Variants in UBE2G1 observed in about 807,000 individuals in gnomAD.
The protein encoded by UBE2G1 is ubiquitin conjugating enzyme E2 G1, also known as ubiquitin-conjugating enzyme E2 G1.
A neutral mutation model predicts 22.7 loss-of-function variants in UBE2G1; 5 were observed. The observed-to-expected ratio is 0.22, with a 90% CI of 0.12 to 0.46. The LOEUF is 0.46. Ranked by LOEUF, UBE2G1 falls within the 20% of genes least tolerant of loss-of-function variation. The pLI, the probability that UBE2G1 is intolerant of heterozygous loss-of-function variation, is 0.99. For synonymous variants in UBE2G1, 74 were observed against 67.5 expected (o/e 1.10, Z -0.47); for missense variants, 88 against 203.9 (o/e 0.43, Z 3.46).
intron 3 of UBE2G1, among the ~76,000 whole-genome samples, chr17:4,294,929 C>CGT (rs1384669212): frequency 6.9e-6 from 1 of 144,222 alleles, no homozygotes; most frequent in East Asian, 2.0e-4. Flanking sequence ...ATGGGAGAAA[C>CGT]GTACGTGAGG....
Position 4,366,382 on chromosome 17 carries a change from G to T in UBE2G1, c.-66C>A. 7.1e-7 allele frequency: 1 copy of T among 1,405,946 alleles called. No homozygotes were observed. The highest frequency in any genetic ancestry group is 9.2e-7 in the Non-Finnish European group (1 of 1,081,782). 87.1% of individuals were successfully genotyped at this position (1,405,946 alleles called of 1,614,324 possible). A position where few individuals can be genotyped will look rare whatever the true frequency, so the allele number is the denominator to read the frequency against. On this transcript the variant is annotated 5_prime_UTR_variant, in exon 1 of 6. Transcript: ENST00000396981. The stretch of plus-strand genomic sequence containing the variant: ...AGGGCTGGGGACAGGCTCTGGGGGC[G>T]GCTGGAGCGGGGTGTGCCGAGGAAC...
At chr17:4,280,622 C>T (rs1968876744) in intron 5 of UBE2G1, among the ~76,000 whole-genome samples, 3 of 151,082 alleles carry the variant, frequency 2.0e-5, no homozygotes, top group African/African-American at 7.3e-5. Flanking sequence ...AGGCATGAGC[C>T]ACCATGCCCG....
chr17:4,306,685 T>G (rs1422514246), intron 2 of UBE2G1, among the ~76,000 whole-genome samples: 1 of 151,968 alleles, frequency 6.6e-6, no homozygotes, highest in African/African-American at 2.4e-5. Flanking sequence ...GGAGTCTCAC[T>G]CTGTCACCCA....
intron 1 of UBE2G1, among the ~76,000 whole-genome samples, chr17:4,319,821 T>C (rs1049415662): frequency 5.9e-5 from 9 of 151,632 alleles, no homozygotes; most frequent in Middle Eastern, 3.4e-3. Context: ...ACTTAAGAAA[T>C]GGTACTTTTT....
intron 3 of UBE2G1, among the ~76,000 whole-genome samples, chr17:4,295,178 A>G (rs1356212299): frequency 2.0e-5 from 3 of 152,246 alleles, no homozygotes; most frequent in Non-Finnish European, 4.4e-5. Context: ...GAAACTGTCG[A>G]AAGCCTAGGA....
intron 4 of UBE2G1, among the ~76,000 whole-genome samples, chr17:4,285,097 GC>G (rs1341090281): frequency 1.3e-5 from 2 of 152,012 alleles, no homozygotes; most frequent in African/African-American, 4.8e-5. Flanking sequence ...ACCTGCCTCG[GC>G]CTCCCAAAGT....
At chr17:4,355,792 G>A (rs1285696768) in intron 1 of UBE2G1, among the ~76,000 whole-genome samples, 1 of 141,158 alleles carries the variant, frequency 7.1e-6, no homozygotes, top group Non-Finnish European at 1.5e-5. Context: ...CCTCCACCTC[G>A]CGGGTTCAAG....
chr17:4,271,743 A>C lies in UBE2G1; in HGVS notation c.*811T>G, dbSNP rs1254362575. 6.7e-6 allele frequency: 1 copy of C among 149,198 alleles called. No individual in the cohort carries two copies. Among genetic ancestry groups the C allele is most frequent in the African/African-American group, 2.5e-5 (1 of 40,196 alleles). The allele number at this position is 149,198 out of a possible 1,614,324, so 9.2% of individuals were successfully genotyped here. ...GCTATTGTTTGGGGAAATTTTCAGT[A>C]AGTTGAATTAAGAACCATCTATTTT... is the stretch of plus-strand genomic sequence containing the variant. On this transcript the variant is annotated 3_prime_UTR_variant, in exon 6 of 6. Coordinates refer to ENST00000396981, the MANE Select transcript of UBE2G1 (RefSeq NM_003342.5).
chr17:4,328,027 C>CG (rs1441653234), intron 1 of UBE2G1, among the ~76,000 whole-genome samples: 6 of 152,120 alleles, frequency 3.9e-5, no homozygotes, highest in African/African-American at 1.4e-4. Context: ...GGCCCATGTG[C>CG]AGTGCAAGTA....
intron 1 of UBE2G1, among the ~76,000 whole-genome samples, chr17:4,355,795 G>A (rs1339804630): frequency 6.9e-6 from 1 of 144,578 alleles, no homozygotes; most frequent in East Asian, 2.2e-4. Flanking sequence ...CCACCTCGCG[G>A]GTTCAAGCGA....
In UBE2G1 at chr17:4,302,162, G is replaced by A. The variant is rs931861046; in HGVS notation, c.149+4859C>T. On this transcript the variant is annotated intron_variant, in intron 2 of 5. Transcript: ENST00000396981. ...CCATGTTCCCTTTTATTGGACTTGG[G>A]AAAGTTTTCTTTACAGACAAATTTG... is the stretch of plus-strand genomic sequence containing the variant. The A allele has an allele frequency of 7.7e-6, 4 of 516,654 alleles. No homozygotes were observed. The East Asian group carries it at 2.2e-4, about 28-fold the overall frequency. 32.0% of individuals were successfully genotyped at this position (516,654 alleles called of 1,614,324 possible).
At chr17:4,342,452 G>A (rs1400482684) in intron 1 of UBE2G1, among the ~76,000 whole-genome samples, 5 of 152,194 alleles carry the variant, frequency 3.3e-5, no homozygotes, top group Non-Finnish European at 5.9e-5. Flanking sequence ...CATTAGTCAG[G>A]CGCAGTGGTG....
intron 1 of UBE2G1, among the ~76,000 whole-genome samples, chr17:4,324,607 G>A (rs552111783): frequency 6.6e-6 from 1 of 152,146 alleles, no homozygotes; most frequent in African/African-American, 2.4e-5. Flanking sequence ...AAGTGAGATA[G>A]GGGTCTCACT....
chr17:4,363,770 G>A (rs575991329), intron 1 of UBE2G1, among the ~76,000 whole-genome samples: 2 of 151,806 alleles, frequency 1.3e-5, no homozygotes, highest in South Asian at 2.1e-4. Context: ...GGCTAACACA[G>A]TGAAACCCCG....
At chr17:4,318,402 G>GT (rs1188566930) in intron 1 of UBE2G1, among the ~76,000 whole-genome samples, 3 of 152,118 alleles carry the variant, frequency 2.0e-5, no homozygotes, top group Admixed American at 1.3e-4. Flanking sequence ...GGAGGGAGTG[G>GT]TTTTTCAGAG....
intron 1 of UBE2G1, among the ~76,000 whole-genome samples, chr17:4,361,934 C>T (rs143702652): frequency 6.9e-6 from 1 of 144,174 alleles, no homozygotes; most frequent in East Asian, 2.0e-4. Context: ...TGCAATCCAG[C>T]CTGGGCGACA....
rs528222993 is a variant in UBE2G1, at chr17:4,286,968, A to G, written c.426+2262T>C. 1.3e-4 allele frequency among the ~76,000 whole-genome samples: 20 copies of G among 152,184 alleles called. No homozygotes were observed. In the South Asian group the frequency reaches 3.7e-3, roughly 28 times the overall value. ...GCTAAGGCAGGAGAATCGATTGAAC[A>G]CAGAGGGCAGAGGTTGTGGTTGCAG... On this transcript the variant is annotated intron_variant, in intron 4 of 5. Transcript: ENST00000396981.
At chr17:4,296,075 T>A (rs983456657) in intron 3 of UBE2G1, among the ~76,000 whole-genome samples, 9 of 151,774 alleles carry the variant, frequency 5.9e-5, no homozygotes, top group Non-Finnish European at 1.2e-4. Flanking sequence ...GAACCAGGTT[T>A]CATAATTTCT....
Position 4,271,742 on chromosome 17 carries a change from T to C in UBE2G1, c.*812A>G, listed in dbSNP as rs1203487048. 3 of 148,730 alleles carry C rather than the reference T, an allele frequency of 2.0e-5. No individual in the cohort carries two copies. The highest frequency in any genetic ancestry group is 4.5e-5 in the Non-Finnish European group (3 of 67,340). The allele number at this position is 148,730 out of a possible 1,614,324, so 9.2% of individuals were successfully genotyped here. A position where few individuals can be genotyped will look rare whatever the true frequency, so the allele number is the denominator to read the frequency against. Reference sequence around the variant, plus strand: ...TGCTATTGTTTGGGGAAATTTTCAGTAAGTTGAATTAAGAACCATCTATTT... The same window carrying C: ...TGCTATTGTTTGGGGAAATTTTCAGCAAGTTGAATTAAGAACCATCTATTT... On this transcript the variant is annotated 3_prime_UTR_variant, in exon 6 of 6. Coordinates refer to ENST00000396981, the MANE Select transcript of UBE2G1 (RefSeq NM_003342.5).
Sources: allele counts gnomAD v4.1 joint callset (sites outside exome capture counted in the v4.1 genomes callset), GRCh38; gene constraint gnomAD v4.1.1; transcripts MANE v1.5; gene names NCBI Gene and HGNC (gene_info 2026-07-23, HGNC 2026-07-21).